The following LOC128092253 variants were observed in gnomAD, a reference collection of about 807,000 sequenced individuals.
At chr6:133,971,510 T>C in the LOC128092253 span, among the ~76,000 whole-genome samples, 1 of 152,184 alleles carries the variant, frequency 6.6e-6, no homozygotes, top group East Asian at 1.9e-4. Context: ...ATAATGGCTA[T>C]GTGAGTTTAC....
chr6:133,967,035 C>T, the LOC128092253 span, among the ~76,000 whole-genome samples: 3 of 152,274 alleles, frequency 2.0e-5, no homozygotes. Flanking sequence ...GATTTGACCC[C>T]TCCCTGCATT....
At chr6:133,962,355 G>A in the LOC128092253 span, among the ~76,000 whole-genome samples, 3 of 152,194 alleles carry the variant, frequency 2.0e-5, no homozygotes, top group African/African-American at 7.2e-5. Flanking sequence ...TTAGAAGCCT[G>A]TAGCCATAAT....
chr6:133,971,610 T>A, the LOC128092253 span, among the ~76,000 whole-genome samples: 1 of 152,078 alleles, frequency 6.6e-6, no homozygotes, highest in South Asian at 2.1e-4. Context: ...TTGTTTGTTT[T>A]TTTATAATAG....
the LOC128092253 span, among the ~76,000 whole-genome samples, chr6:133,972,533 G>A: frequency 6.6e-6 from 1 of 152,158 alleles, no homozygotes; most frequent in Non-Finnish European, 1.5e-5. Flanking sequence ...TGGTTCATTT[G>A]GTTCTTGTCA....
chr6:133,976,954 C>G, the LOC128092253 span, among the ~76,000 whole-genome samples: 21 of 140,450 alleles, frequency 1.5e-4, 1 homozygote, highest in Admixed American at 7.5e-4. Flanking sequence ...GGCAACAAAG[C>G]GAGACTTGGT....
chr6:133,974,646 T>A, the LOC128092253 span, among the ~76,000 whole-genome samples: 9 of 152,376 alleles, frequency 5.9e-5, no homozygotes, highest in Non-Finnish European at 1.2e-4. Context: ...TATTTCTTAT[T>A]GTTACTGGTT....
chr6:133,957,448 T>C, the LOC128092253 span, among the ~76,000 whole-genome samples: 1 of 152,244 alleles, frequency 6.6e-6, no homozygotes, highest in Non-Finnish European at 1.5e-5. Flanking sequence ...TTTTGTTTTT[T>C]AACTCACTAG....
At chr6:133,967,946 C>A in the LOC128092253 span, among the ~76,000 whole-genome samples, 1 of 151,994 alleles carries the variant, frequency 6.6e-6, no homozygotes, top group Non-Finnish European at 1.5e-5. Context: ...GAGCCTAGGA[C>A]CATGTGCTTA....
At chr6:133,953,947 A>G in the LOC128092253 span, among the ~76,000 whole-genome samples, 2 of 152,108 alleles carry the variant, frequency 1.3e-5, no homozygotes, top group Non-Finnish European at 2.9e-5. Flanking sequence ...TTATTTTATT[A>G]TTATTTTTGA....
At chr6:133,971,039 C>T in the LOC128092253 span, among the ~76,000 whole-genome samples, 14 of 152,262 alleles carry the variant, frequency 9.2e-5, no homozygotes, top group African/African-American at 2.9e-4. Flanking sequence ...ATAACTTATT[C>T]CTCCAATCCA....
At chr6:133,969,251 CTTTT>C in the LOC128092253 span, among the ~76,000 whole-genome samples, 1 of 122,608 alleles carries the variant, frequency 8.2e-6, no homozygotes, top group African/African-American at 3.1e-5. Context: ...ATAAAATACA[CTTTT>C]TTTTTTTTTT....
chr6:133,974,588 A>C, the LOC128092253 span, among the ~76,000 whole-genome samples: 2 of 152,176 alleles, frequency 1.3e-5, no homozygotes, highest in Non-Finnish European at 2.9e-5. Flanking sequence ...TGCCCTCCCA[A>C]AGTGCTGGGA....
the LOC128092253 span, among the ~76,000 whole-genome samples, chr6:133,965,975 CA>C: frequency 6.6e-6 from 1 of 152,142 alleles, no homozygotes; most frequent in Admixed American, 6.5e-5. Flanking sequence ...TATTGAGGCA[CA>C]AAGGTGTTAA....
the LOC128092253 span, among the ~76,000 whole-genome samples, chr6:133,957,141 G>A: frequency 6.6e-6 from 1 of 152,200 alleles, no homozygotes; most frequent in African/African-American, 2.4e-5. Context: ...GTGGGTTGAA[G>A]CATGCTATGG....
At chr6:133,972,529 A>C in the LOC128092253 span, among the ~76,000 whole-genome samples, 1 of 152,178 alleles carries the variant, frequency 6.6e-6, no homozygotes, top group Non-Finnish European at 1.5e-5. Flanking sequence ...CTTGTGGTTC[A>C]TTTGGTTCTT....
At chr6:133,972,715 C>T in the LOC128092253 span, among the ~76,000 whole-genome samples, 1 of 151,888 alleles carries the variant, frequency 6.6e-6, no homozygotes, top group East Asian at 1.9e-4. Context: ...TTTTTTTCCC[C>T]TCATCTGTAA....
At chr6:133,962,095 G>A in the LOC128092253 span, among the ~76,000 whole-genome samples, 17 of 152,278 alleles carry the variant, frequency 1.1e-4, no homozygotes, top group Admixed American at 7.2e-4. Context: ...CCGCGAAACA[G>A]TCTGTTATTG....
the LOC128092253 span, among the ~76,000 whole-genome samples, chr6:133,956,611 C>T: frequency 2.6e-5 from 4 of 152,112 alleles, no homozygotes; most frequent in Admixed American, 2.6e-4. Flanking sequence ...TTGAAGATTA[C>T]GTTGTTAATA....
the LOC128092253 span, among the ~76,000 whole-genome samples, chr6:133,955,081 G>C: frequency 6.6e-6 from 1 of 151,902 alleles, no homozygotes; most frequent in African/African-American, 2.4e-5. Context: ...AAAGACTGTT[G>C]CTTAATCTTT....
Sources: gnomAD v4.1 joint callset for allele counts (sites outside exome capture counted in the v4.1 genomes callset) on GRCh38, gnomAD v4.1.1 for gene constraint, MANE v1.5 for transcripts.